The following APOL1 variants were observed in gnomAD, a reference collection of about 807,000 sequenced individuals.
APOL1 encodes apolipoprotein L1, also known as apolipoprotein L 1.
APOL1 carries 17 observed loss-of-function variants against 14.9 expected under a neutral mutation model. The ratio of observed to expected loss-of-function variants is 1.14; its 90% CI spans 0.78 to 1.71. The LOEUF is 1.71. APOL1 is among the 40% of genes most tolerant of loss of function. The pLI is 0.00. For synonymous variants in APOL1, 195 were observed against 184.8 expected (o/e 1.05, Z -0.45); for missense variants, 523 against 485.9 (o/e 1.08, Z -0.72).
Position 36,265,383 on chromosome 22 carries a change from A to T in APOL1, c.547A>T (p.Ser183Cys). 6.2e-7 allele frequency: 1 copy of T among 1,613,242 alleles called. No homozygotes were observed. Among genetic ancestry groups the T allele is most frequent in the Non-Finnish European group, 8.5e-7 (1 of 1,179,428 alleles). Reference protein sequence around the residue: ...TIANVVSGSLSISSGILTLVG... With the variant: ...TIANVVSGSLCISSGILTLVG... ...CGCCAATGTGGTGTCTGGCTCTCTC[A>T]GCATTTCCTCTGGCATCCTGACCCT... is the stretch of plus-strand genomic sequence containing the variant. The change falls in exon 6 of 6, where the codon AGC (serine) becomes TGC (cysteine). Residue 183 changes from serine (S) to cysteine (C), a missense_variant. Ser to Cys is a moderately radical substitution (Grantham distance 112). Coordinates refer to ENST00000397278, the MANE Select transcript of APOL1 (RefSeq NM_003661.4).
intron 1 of APOL1, among the ~76,000 whole-genome samples, chr22:36,254,633 A>G (rs1603481873): frequency 6.6e-6 from 1 of 152,094 alleles, no homozygotes; most frequent in African/African-American, 2.4e-5. Context: ...GGAGGCCAAG[A>G]CAGGTGGTCA....
chr22:36,260,526 A>G (rs938376342), intron 4 of APOL1, among the ~76,000 whole-genome samples: 4 of 152,210 alleles, frequency 2.6e-5, no homozygotes, highest in African/African-American at 9.6e-5. Flanking sequence ...AGATCCCTGC[A>G]AACCACACGT....
intron 5 of APOL1, among the ~76,000 whole-genome samples, chr22:36,263,657 G>A (rs772439051): frequency 9.9e-5 from 15 of 152,204 alleles, no homozygotes; most frequent in South Asian, 2.1e-4. Context: ...AAACACATGC[G>A]GTGTTGCCAA....
chr22:36,266,442 A>G lies in APOL1; in HGVS notation c.*409A>G, dbSNP rs1308273487. On this transcript the variant is annotated 3_prime_UTR_variant, in exon 6 of 6. Coordinates refer to ENST00000397278, the MANE Select transcript of APOL1 (RefSeq NM_003661.4). ...AAGAGGGTGAGGTAAAGTTTATGGA[A>G]CTGAGTGTTAGGGACTTTGGCATTT... is the stretch of plus-strand genomic sequence containing the variant. 4.9e-6 allele frequency: 2 copies of G among 410,036 alleles called. No homozygotes were observed. The highest frequency in any genetic ancestry group is 4.3e-6 in the Non-Finnish European group (1 of 233,010). 25.4% of individuals were successfully genotyped at this position (410,036 alleles called of 1,614,324 possible).
chr22:36,257,534 G>A (rs772785332), intron 4 of APOL1, 127 bp downstream of exon 4: 1 of 976,394 alleles, frequency 1.0e-6, no homozygotes, highest in Non-Finnish European at 1.6e-6. Context: ...GCCCAAAGCA[G>A]CAGAAGAGGT....
rs1375017856 is a variant in APOL1, at chr22:36,266,445, G to A, written c.*412G>A. Reference sequence around the variant, plus strand: ...AGGGTGAGGTAAAGTTTATGGAACTGAGTGTTAGGGACTTTGGCATTTCCA... The same window carrying A: ...AGGGTGAGGTAAAGTTTATGGAACTAAGTGTTAGGGACTTTGGCATTTCCA... On this transcript the variant is annotated 3_prime_UTR_variant, in exon 6 of 6. Transcript: ENST00000397278. 2 of 408,400 alleles carry A rather than the reference G, an allele frequency of 4.9e-6. No homozygotes were observed. Among genetic ancestry groups the A allele is most frequent in the Non-Finnish European group, 8.6e-6 (2 of 232,170 alleles). The allele number at this position is 408,400 out of a possible 1,614,324, so 25.3% of individuals were successfully genotyped here.
Position 36,265,367 on chromosome 22 carries a change from G to C in APOL1, c.531G>C (p.Val177=). 6.2e-7 allele frequency: 1 copy of C among 1,611,962 alleles called. No homozygotes were observed. Among genetic ancestry groups the C allele is most frequent in the Non-Finnish European group, 8.5e-7 (1 of 1,178,772 alleles). Residue 177 remains valine, a synonymous_variant, in exon 6 of 6, where the codon GTG becomes GTC. Transcript: ENST00000397278. ...KVHKGTTIAN[V]VSGSLSISSG... Reference sequence around the variant, plus strand: ...ACAAAGGCACCACCATCGCCAATGTGGTGTCTGGCTCTCTCAGCATTTCCT... The same window carrying C: ...ACAAAGGCACCACCATCGCCAATGTCGTGTCTGGCTCTCTCAGCATTTCCT...
At chr22:36,262,251 A>G (rs1044430147) in intron 5 of APOL1, among the ~76,000 whole-genome samples, 2 of 152,012 alleles carry the variant, frequency 1.3e-5, no homozygotes, top group Non-Finnish European at 2.9e-5. Context: ...CCTTTTTCTC[A>G]TCTGAGGAAT....
In APOL1 at chr22:36,265,480, G is replaced by A; in HGVS notation, c.644G>A (p.Gly215Glu). 1 of 1,614,098 alleles carries A rather than the reference G, an allele frequency of 6.2e-7. No individual in the cohort carries two copies. The highest frequency in any genetic ancestry group is 1.3e-5 in the African/African-American group (1 of 75,026). The change falls in exon 6 of 6, where the codon GGA becomes GAA. Residue 215 changes from glycine to glutamate, a missense_variant. Physicochemically the swap from Gly to Glu is moderately conservative, Grantham distance 98. Coordinates refer to ENST00000397278, the MANE Select transcript of APOL1 (RefSeq NM_003661.4). ...CTCTTGGAACCTGGGATGGAGTTGG[G>A]AATCACAGCCGCTTTGACCGGGATT... ...LVLLEPGMEL[G>E]ITAALTGITS... is the part of the protein sequence containing the mutation.
chr22:36,264,053 T>TG (rs2016155878), intron 5 of APOL1, among the ~76,000 whole-genome samples: 1 of 151,956 alleles, frequency 6.6e-6, no homozygotes. Flanking sequence ...CAGCAAGCAG[T>TG]GGGTGGCTGT....
Position 36,265,260 on chromosome 22 carries a change from A to G in APOL1, c.424A>G (p.Lys142Glu), listed in dbSNP as rs375244360. The change falls in exon 6 of 6, where the codon AAA (lysine) becomes GAA (glutamate). Residue 142 changes from lysine to glutamate, a missense_variant. Lys to Glu is a moderately conservative substitution (Grantham distance 56). Coordinates refer to ENST00000397278, the MANE Select transcript of APOL1 (RefSeq NM_003661.4). ...KGQQYRNWFL[K>E]EFPRLKSELE... ...CCAGCAGTACAGAAACTGGTTTCTG[A>G]AAGAGTTTCCTCGGTTGAAAAGTGA... 3.7e-6 allele frequency: 6 copies of G among 1,614,054 alleles called. No homozygotes were observed. Among genetic ancestry groups the G allele is most frequent in the Non-Finnish European group, 5.1e-6 (6 of 1,180,032 alleles).
intron 1 of APOL1, chr22:36,254,138 C>T (rs2015780214): frequency 2.4e-6 from 2 of 835,434 alleles, no homozygotes; most frequent in Non-Finnish European, 3.8e-6. Context: ...CTCTGCCCTC[C>T]AAGAGCTGTG....
intron 5 of APOL1, among the ~76,000 whole-genome samples, chr22:36,264,256 G>A (rs1319135369): frequency 2.0e-5 from 3 of 152,074 alleles, no homozygotes; most frequent in South Asian, 4.1e-4. Flanking sequence ...TTTAGTCCCC[G>A]GGTCCTCTGG....
chr22:36,258,339 C>A lies in APOL1; in HGVS notation c.187+932C>A, dbSNP rs556081514. Among the ~76,000 whole-genome samples the A allele has an allele frequency of 5.3e-5, 8 of 152,340 alleles. No homozygotes were observed. The South Asian group carries it at 1.7e-3, about 32-fold the overall frequency. ...AAAGGATTGCTGAATTGGGAAACAG[C>A]AAACTGGAGGAGGCTTCGTGCTATG... On this transcript the variant is annotated intron_variant, in intron 4 of 5. Transcript: ENST00000397278.
intron 2 of APOL1, among the ~76,000 whole-genome samples, 169 bp downstream of exon 2, chr22:36,255,168 C>T (rs1156228709): frequency 6.6e-6 from 1 of 152,214 alleles, no homozygotes; most frequent in Non-Finnish European, 1.5e-5. Context: ...CCGCTGTATC[C>T]TAGTTGAGGC....
intron 1 of APOL1, 81 bp from the exon 2 acceptor site, chr22:36,254,856 C>G (rs1203092137): frequency 7.0e-6 from 11 of 1,571,938 alleles, no homozygotes; most frequent in South Asian, 3.3e-5. Context: ...GAGCGAGACT[C>G]CATTTCAAAA....
rs150123472 is a variant in APOL1, at chr22:36,262,273, G to A, written c.314+551G>A. Among the ~76,000 whole-genome samples the A allele has an allele frequency of 2.8e-3, 424 of 152,270 alleles. 1 individual carries two copies. Among genetic ancestry groups the A allele is most frequent in the Non-Finnish European group, 4.4e-3 (299 of 68,024 alleles). ...CTCATCTGAGGAATTCCATAAACAC[G>A]GCAGGACCCTTCTGCTGGTCCAGGA... On this transcript the variant is annotated intron_variant, in intron 5 of 5. Coordinates refer to ENST00000397278, the MANE Select transcript of APOL1 (RefSeq NM_003661.4).
rs963940689 is a variant in APOL1, at chr22:36,265,851, G to T, written c.1015G>T (p.Ala339Ser). 1 of 1,614,162 alleles carries T rather than the reference G, an allele frequency of 6.2e-7. No homozygotes were observed. The highest frequency in any genetic ancestry group is 8.5e-7 in the Non-Finnish European group (1 of 1,180,038). The change falls in exon 6 of 6, where the codon GCC becomes TCC. Residue 339 changes from alanine (A) to serine (S), a missense_variant. Ala to Ser is a moderately conservative substitution (Grantham distance 99). Transcript: ENST00000397278. ...CAGAGGAGTCAAGCTCACGGATGTG[G>T]CCCCTGTAAGCTTCTTTCTTGTGCT... Reference protein sequence around the residue: ...MSRGVKLTDVAPVSFFLVLDV... With the variant: ...MSRGVKLTDVSPVSFFLVLDV...
intron 1 of APOL1, 128 bp from the exon 2 acceptor site, chr22:36,254,809 G>A: frequency 1.7e-6 from 2 of 1,206,690 alleles, no homozygotes; most frequent in South Asian, 1.3e-5. Context: ...CTTGTAGCGA[G>A]CCTAGATCGC....
Sources: gnomAD v4.1 joint callset for allele counts (sites outside exome capture counted in the v4.1 genomes callset) on GRCh38, gnomAD v4.1.1 for gene constraint, MANE v1.5 for transcripts, NCBI Gene and HGNC (gene_info 2026-07-23, HGNC 2026-07-21) for gene names.